The following ADGRB3 variants were observed in gnomAD, a reference collection of about 807,000 sequenced individuals.
ADGRB3 encodes adhesion G protein-coupled receptor B3.
ADGRB3 carries 37 observed loss-of-function variants against 193.4 expected under a neutral mutation model. The ratio of observed to expected loss-of-function variants is 0.19; its 90% CI spans 0.15 to 0.25. The LOEUF (loss-of-function observed/expected upper bound fraction) is 0.25, where lower values mean the gene tolerates loss of function less well. Among genes scored for constraint, ADGRB3 ranks in the 10% least tolerant of loss-of-function variants. ADGRB3 has a pLI of 1.00. For missense variants in ADGRB3, 1,637 were observed against 1,852.9 expected (o/e 0.88, Z 2.14); for synonymous variants, 690 against 644.2 (o/e 1.07, Z -1.08).
chr6:69,321,848 T>C (rs995099098), intron 20 of ADGRB3, among the ~76,000 whole-genome samples: 2 of 151,862 alleles, frequency 1.3e-5, no homozygotes, highest in African/African-American at 4.8e-5. Context: ...TTTCCTTGTA[T>C]GGAGTGTTTG....
At chr6:68,713,413 C>CA (rs1765437392) in intron 3 of ADGRB3, among the ~76,000 whole-genome samples, 1 of 151,710 alleles carries the variant, frequency 6.6e-6, no homozygotes, top group Admixed American at 6.6e-5. Flanking sequence ...TTTATATGGT[C>CA]ACAAAATCAT....
chr6:69,011,320 G>T (rs911907176), intron 11 of ADGRB3, among the ~76,000 whole-genome samples: 4 of 151,962 alleles, frequency 2.6e-5, no homozygotes, highest in Admixed American at 2.6e-4. Context: ...ATCATGCCCT[G>T]TGCTGCAACA....
chr6:69,025,315 A>G (rs1198639465), intron 13 of ADGRB3, among the ~76,000 whole-genome samples: 1 of 151,996 alleles, frequency 6.6e-6, no homozygotes, highest in East Asian at 1.9e-4. Context: ...TCATTGGTAG[A>G]ATATCTTGTT....
At chr6:68,660,140 C>A (rs1768590525) in intron 3 of ADGRB3, among the ~76,000 whole-genome samples, 1 of 150,514 alleles carries the variant, frequency 6.6e-6, no homozygotes, top group African/African-American at 2.4e-5. Flanking sequence ...ATAGTAATAG[C>A]CAATGTCATA....
At chr6:69,011,543 C>G (rs1769937507) in intron 11 of ADGRB3, among the ~76,000 whole-genome samples, 1 of 151,876 alleles carries the variant, frequency 6.6e-6, no homozygotes, top group Admixed American at 6.6e-5. Context: ...TGCTTAGTAC[C>G]TAGGTGATGG....
chr6:68,771,446 A>G (rs541669854), intron 3 of ADGRB3, among the ~76,000 whole-genome samples: 7 of 152,136 alleles, frequency 4.6e-5, no homozygotes, highest in African/African-American at 1.7e-4. Context: ...ATGTTTGCTC[A>G]TATATAGAAT....
At position 68,858,421 on chromosome 6, in the gene ADGRB3, G is replaced by T. The variant is rs546222627; in HGVS notation, c.758-72138G>T. ...CGAGAGGCTAAGGCAGGAGAATTGT[G>T]TGAACTCAGGAGGTGGAGGTTGCAG... On this transcript the variant is annotated intron_variant, in intron 3 of 31. Coordinates refer to ENST00000370598, the MANE Select transcript of ADGRB3 (RefSeq NM_001704.3). Among the ~76,000 whole-genome samples the T allele has an allele frequency of 1.8e-4, 27 of 150,544 alleles. No individual in the cohort carries two copies. In the South Asian group the frequency reaches 5.3e-3, roughly 29 times the overall value.
At chr6:68,970,987 T>C (rs1768550465) in intron 8 of ADGRB3, among the ~76,000 whole-genome samples, 1 of 152,134 alleles carries the variant, frequency 6.6e-6, no homozygotes, top group Admixed American at 6.6e-5. Flanking sequence ...AGAATAATAC[T>C]GGGAATTGAA....
chr6:68,787,118 C>T (rs1278003651), intron 3 of ADGRB3, among the ~76,000 whole-genome samples: 1 of 152,158 alleles, frequency 6.6e-6, no homozygotes, highest in East Asian at 1.9e-4. Flanking sequence ...ATTTGACTTC[C>T]TCTTTTCCTA....
intron 3 of ADGRB3, among the ~76,000 whole-genome samples, chr6:68,915,232 A>T (rs943117593): frequency 6.6e-6 from 1 of 152,192 alleles, no homozygotes. Context: ...CAAGTAACAT[A>T]ACCTCTTGAA....
intron 3 of ADGRB3, among the ~76,000 whole-genome samples, chr6:68,757,902 C>T (rs1670036735): frequency 6.6e-6 from 1 of 152,046 alleles, no homozygotes; most frequent in African/African-American, 2.4e-5. Flanking sequence ...TATCTATTCA[C>T]AGTATTTATA....
At chr6:69,201,914 T>G (rs916966426) in intron 17 of ADGRB3, among the ~76,000 whole-genome samples, 1 of 152,124 alleles carries the variant, frequency 6.6e-6, no homozygotes, top group Non-Finnish European at 1.5e-5. Context: ...CATGTTAAGT[T>G]TTCCAGAAAT....
At chr6:69,327,662 T>C (rs1480232565) in intron 21 of ADGRB3, among the ~76,000 whole-genome samples, 158 bp from the exon 22 acceptor site, 1 of 152,188 alleles carries the variant, frequency 6.6e-6, no homozygotes, top group African/African-American at 2.4e-5. Flanking sequence ...ATTTTTCAAC[T>C]TGAAAGAAAT....
At chr6:69,255,244 A>C (rs958440697) in intron 20 of ADGRB3, among the ~76,000 whole-genome samples, 3 of 152,100 alleles carry the variant, frequency 2.0e-5, no homozygotes, top group Non-Finnish European at 4.4e-5. Flanking sequence ...GGCTGGGTCA[A>C]ATGGTATTTC....
chr6:69,049,134 G>A (rs532097377), intron 14 of ADGRB3, 137 bp from the exon 15 acceptor site: 8 of 608,824 alleles, frequency 1.3e-5, no homozygotes, highest in South Asian at 2.0e-5. Flanking sequence ...TGCATGGTTA[G>A]GAATGCATTT....
At position 68,838,430 on chromosome 6, in the gene ADGRB3, C is replaced by T. The variant is rs183330552; in HGVS notation, c.758-92129C>T. Among the ~76,000 whole-genome samples the T allele has an allele frequency of 2.6e-3, 403 of 152,190 alleles. 1 individual carries two copies. The highest frequency in any genetic ancestry group is 9.0e-3 in the African/African-American group (374 of 41,534). On this transcript the variant is annotated intron_variant, in intron 3 of 31. Transcript: ENST00000370598. ...ATAGTATTAAAAAGAAACAAAGAAACAAAAAACAAACTTCTATTCCTGAAT... is the reference window on the plus strand; with the variant it reads ...ATAGTATTAAAAAGAAACAAAGAAATAAAAAACAAACTTCTATTCCTGAAT...
chr6:68,696,542 A>T (rs572544238), intron 3 of ADGRB3, among the ~76,000 whole-genome samples: 1 of 151,972 alleles, frequency 6.6e-6, no homozygotes, highest in Non-Finnish European at 1.5e-5. Context: ...ATGTATTATT[A>T]TTCTGACATG....
At chr6:68,676,718 T>C (rs879598611) in intron 3 of ADGRB3, among the ~76,000 whole-genome samples, 1 of 152,176 alleles carries the variant, frequency 6.6e-6, no homozygotes, top group Non-Finnish European at 1.5e-5. Flanking sequence ...TAGCTCTTTG[T>C]AGAGTGCTAA....
chr6:68,813,523 A>G (rs1273192698), intron 3 of ADGRB3, among the ~76,000 whole-genome samples: 1 of 152,214 alleles, frequency 6.6e-6, no homozygotes, highest in African/African-American at 2.4e-5. Context: ...TAGAGCATGC[A>G]GGAACAGTGA....
Sources: allele counts gnomAD v4.1 joint callset (sites outside exome capture counted in the v4.1 genomes callset), GRCh38; gene constraint gnomAD v4.1.1; transcripts MANE v1.5; gene names NCBI Gene and HGNC (gene_info 2026-07-23, HGNC 2026-07-21).